SREK1: variants seen among roughly 807,000 people sequenced by gnomAD.
SREK1 encodes the protein splicing regulatory glutamic acid and lysine rich protein 1.
In SREK1, 13 loss-of-function variants were observed where a neutral mutation model predicts 66.5. That is an observed-to-expected ratio of 0.20 (90% CI 0.13 to 0.31). The LOEUF (loss-of-function observed/expected upper bound fraction) is 0.31, where lower values mean the gene tolerates loss of function less well. SREK1 is among the 10% of genes least tolerant of loss of function. SREK1 has a pLI of 1.00. For synonymous variants in SREK1, 265 were observed against 263.5 expected (o/e 1.01, Z -0.05); for missense variants, 607 against 769.6 (o/e 0.79, Z 2.50).
In SREK1 at chr5:66,163,462, G is replaced by T. The variant is rs552100976; in HGVS notation, c.756-330G>T. On this transcript the variant is annotated intron_variant, in intron 5 of 11. Transcript: ENST00000334121. ...AGTAAGATCTTTTGATTTGAAAATAGAAATGATTCATTTTCATATTGGTAT... is the reference window on the plus strand; with the variant it reads ...AGTAAGATCTTTTGATTTGAAAATATAAATGATTCATTTTCATATTGGTAT... The T allele has an allele frequency of 2.0e-4, 40 of 198,684 alleles. 2 individuals carry two copies. In the South Asian group the frequency reaches 2.6e-3, roughly 13 times the overall value. The allele number at this position is 198,684 out of a possible 1,614,324, so 12.3% of individuals were successfully genotyped here.
rs1190711484 is a variant in SREK1, at chr5:66,180,471, TTTAATG to T, written c.*1609_*1614del. 2.0e-5 allele frequency: 3 copies of T among 152,620 alleles called. No individual in the cohort carries two copies. Among genetic ancestry groups the T allele is most frequent in the Admixed American group, 6.5e-5 (1 of 15,272 alleles). The allele number at this position is 152,620 out of a possible 1,614,324, so 9.5% of individuals were successfully genotyped here. ...TACTTGGTTTCAACTTGAGTTTTCT[TTTAATG>T]TTAATAAGATTGAAACTTTAGTATT... On this transcript the variant is annotated 3_prime_UTR_variant, in exon 12 of 12. Transcript: ENST00000334121.
At chr5:66,159,510 G>A (rs1398896922) in intron 3 of SREK1, among the ~76,000 whole-genome samples, 176 bp downstream of exon 3, 1 of 150,222 alleles carries the variant, frequency 6.7e-6, no homozygotes, top group Non-Finnish European at 1.5e-5. Flanking sequence ...TTAACGCTGC[G>A]TTTTGGATTT....
At chr5:66,153,819 G>T in intron 2 of SREK1, 1 of 486,098 alleles carries the variant, frequency 2.1e-6, no homozygotes, top group Non-Finnish European at 3.5e-6. Flanking sequence ...TTGGCTTCTG[G>T]TTTGCTTTGG....
chr5:66,162,745 T>TA, intron 5 of SREK1, 153 bp downstream of exon 5: 1 of 627,080 alleles, frequency 1.6e-6, no homozygotes. Flanking sequence ...ATGAGATACT[T>TA]ACCATTTTAG....
chr5:66,150,963 C>T (rs1476366394), intron 1 of SREK1, among the ~76,000 whole-genome samples: 1 of 152,048 alleles, frequency 6.6e-6, no homozygotes, highest in Admixed American at 6.5e-5. Flanking sequence ...GCCTCAGCCT[C>T]CCAAGTAGCT....
At chr5:66,146,443 A>G (rs27080) in intron 1 of SREK1, among the ~76,000 whole-genome samples, 48,149 of 152,000 alleles carry the variant, frequency 0.32, 8,962 homozygotes, top group African/African-American at 0.5. Context: ...ATTACTTGGA[A>G]TTTAAAAGTC....
intron 9 of SREK1, among the ~76,000 whole-genome samples, chr5:66,173,972 A>G (rs1019804988): frequency 2.6e-5 from 4 of 151,824 alleles, no homozygotes; most frequent in African/African-American, 9.7e-5. Context: ...AATACATATT[A>G]TATATACCGT....
intron 1 of SREK1, among the ~76,000 whole-genome samples, chr5:66,147,854 G>A (rs757676693): frequency 3.3e-5 from 5 of 152,002 alleles, no homozygotes; most frequent in African/African-American, 4.8e-5. Context: ...CTATCATTAT[G>A]TAATATATGT....
intron 10 of SREK1, among the ~76,000 whole-genome samples, chr5:66,176,348 A>G (rs1746054913): frequency 6.6e-6 from 1 of 152,024 alleles, no homozygotes; most frequent in South Asian, 2.1e-4. Context: ...ATTTTTAAGT[A>G]TTTGGCAAGG....
chr5:66,173,987 G>A (rs754685503), intron 9 of SREK1, among the ~76,000 whole-genome samples: 8 of 152,066 alleles, frequency 5.3e-5, no homozygotes, highest in Non-Finnish European at 7.4e-5. Context: ...TACCGTGTGA[G>A]CATTTTTTAT....
Position 66,181,971 on chromosome 5 carries a change from T to C in SREK1, c.*3103T>C, listed in dbSNP as rs1244126677. 1 of 151,406 alleles carries C rather than the reference T, an allele frequency of 6.6e-6. No homozygotes were observed. The highest frequency in any genetic ancestry group is 1.5e-5 in the Non-Finnish European group (1 of 67,834). The allele number at this position is 151,406 out of a possible 1,614,324, so 9.4% of individuals were successfully genotyped here. On this transcript the variant is annotated 3_prime_UTR_variant, in exon 12 of 12. Transcript: ENST00000334121. ...TTCAAGACCTTCAGTCATTCCTATG[T>C]CTATGTTGCTATCTTTATTTTAAAA... is the stretch of plus-strand genomic sequence containing the variant.
intron 2 of SREK1, 94 bp downstream of exon 2, chr5:66,153,690 T>G: frequency 6.7e-7 from 1 of 1,493,110 alleles, no homozygotes; most frequent in Non-Finnish European, 9.2e-7. Context: ...GACAGTACTC[T>G]TGGTGTGTGT....
chr5:66,152,634 A>G (rs914757384), intron 1 of SREK1, among the ~76,000 whole-genome samples: 1 of 152,218 alleles, frequency 6.6e-6, no homozygotes, highest in Non-Finnish European at 1.5e-5. Flanking sequence ...AAATGTTTCA[A>G]ATAGATTTTA....
At chr5:66,175,178 A>G in intron 10 of SREK1, 137 bp downstream of exon 10, 1 of 719,866 alleles carries the variant, frequency 1.4e-6, no homozygotes, top group Non-Finnish European at 2.2e-6. Flanking sequence ...AATTAAAGAT[A>G]AAAGTTATGT....
chr5:66,176,743 T>C (rs1189753681), intron 10 of SREK1, among the ~76,000 whole-genome samples: 1 of 152,142 alleles, frequency 6.6e-6, no homozygotes, highest in Non-Finnish European at 1.5e-5. Flanking sequence ...TTGTTGTTGC[T>C]GTTGGAAATG....
intron 3 of SREK1, among the ~76,000 whole-genome samples, chr5:66,160,183 C>G (rs1561502107): frequency 6.6e-6 from 1 of 151,804 alleles, no homozygotes; most frequent in Non-Finnish European, 1.5e-5. Context: ...TTAAAAAACT[C>G]TGGCCATATT....
At chr5:66,153,438 A>T in intron 1 of SREK1, 25 bp from the exon 2 acceptor site, 1 of 1,600,732 alleles carries the variant, frequency 6.2e-7, no homozygotes, top group Non-Finnish European at 8.5e-7. Flanking sequence ...TTATTAGTTC[A>T]ATTGTTTTTC....
intron 8 of SREK1, 81 bp from the exon 9 acceptor site, chr5:66,170,504 G>T: frequency 6.8e-7 from 1 of 1,469,044 alleles, no homozygotes; most frequent in Non-Finnish European, 9.2e-7. Context: ...TCTTGTGTTG[G>T]TAATTGTTGA....
At chr5:66,172,427 T>TGCTCATCGCCCAGGCTGG (rs1745716975) in intron 9 of SREK1, among the ~76,000 whole-genome samples, 1 of 152,166 alleles carries the variant, frequency 6.6e-6, no homozygotes, top group Admixed American at 6.6e-5. Flanking sequence ...AACAGAGTCT[T>TGCTCATCGCCCAGGCTGG]GCTCATCGCC....
Sources: gnomAD v4.1 joint callset for allele counts (sites outside exome capture counted in the v4.1 genomes callset) on GRCh38, gnomAD v4.1.1 for gene constraint, MANE v1.5 for transcripts, NCBI Gene and HGNC (gene_info 2026-07-23, HGNC 2026-07-21) for gene names.